Variants in SNAP91 observed in about 807,000 individuals in gnomAD.
SNAP91 encodes synaptosome associated protein 91, also known as clathrin coat assembly protein AP180.
Under a neutral mutation model 100.3 loss-of-function variants are expected in SNAP91, and 27 were observed. The observed-to-expected ratio is 0.27, with a 90% CI of 0.20 to 0.37. SNAP91 has a LOEUF of 0.37. Ranked by LOEUF, SNAP91 falls within the 10% of genes least tolerant of loss-of-function variation. SNAP91 has a pLI of 1.00. For missense variants in SNAP91, 986 were observed against 1,123.7 expected, an observed-to-expected ratio of 0.88 and a Z score of 1.75; for synonymous variants, 404 against 398.6, an observed-to-expected ratio of 1.01 and a Z score of -0.16.
chr6:83,679,776 A>G (rs888555949), intron 2 of SNAP91, among the ~76,000 whole-genome samples: 1 of 152,204 alleles, frequency 6.6e-6, no homozygotes, highest in Non-Finnish European at 1.5e-5. Context: ...CCTAGGCTTC[A>G]ATGCACTTCA....
At chr6:83,585,006 A>C (rs2092162822) in intron 22 of SNAP91, among the ~76,000 whole-genome samples, 1 of 152,198 alleles carries the variant, frequency 6.6e-6, no homozygotes, top group Non-Finnish European at 1.5e-5. Context: ...TAGAATAATT[A>C]AACAGCTATT....
chr6:83,678,766 C>T (rs2098946193), intron 2 of SNAP91: 1 of 1,289,462 alleles, frequency 7.8e-7, no homozygotes, highest in Admixed American at 2.3e-5. Context: ...TTTGGCCTTA[C>T]CAAAGCCTTA....
chr6:83,690,133 A>G (rs1407895368), intron 2 of SNAP91: 1 of 286,912 alleles, frequency 3.5e-6, no homozygotes, highest in African/African-American at 2.3e-5. Flanking sequence ...GATAAAAGTG[A>G]GCATCACATT....
chr6:83,682,918 T>C (rs1039142045), intron 2 of SNAP91, among the ~76,000 whole-genome samples: 19 of 151,852 alleles, frequency 1.3e-4, no homozygotes, highest in Admixed American at 1.2e-3. Flanking sequence ...TCTCCATTTC[T>C]TCACTCAAGA....
chr6:83,688,092 A>C (rs2099084464), intron 2 of SNAP91, among the ~76,000 whole-genome samples: 1 of 152,098 alleles, frequency 6.6e-6, no homozygotes, highest in African/African-American at 2.4e-5. Context: ...CTGGTCTCTT[A>C]TCTCTCCCCC....
At chr6:83,605,503 C>T (rs1348735035) in intron 14 of SNAP91, among the ~76,000 whole-genome samples, 182 bp downstream of exon 14, 1 of 152,204 alleles carries the variant, frequency 6.6e-6, no homozygotes, top group Non-Finnish European at 1.5e-5. Context: ...ATTACAGGCA[C>T]TTTCTCTGTC....
intron 28 of SNAP91, among the ~76,000 whole-genome samples, chr6:83,556,974 T>C (rs1430171742): frequency 6.6e-6 from 1 of 152,204 alleles, no homozygotes; most frequent in African/African-American, 2.4e-5. Flanking sequence ...TCTATTCAGC[T>C]CTCAGAGAAG....
chr6:83,590,909 G>A (rs76034318), intron 22 of SNAP91, among the ~76,000 whole-genome samples: 3,553 of 152,206 alleles, frequency 0.023, 58 homozygotes, highest in Admixed American at 0.039. Flanking sequence ...TCAATTTCAT[G>A]TCTTTTAAAA....
intron 2 of SNAP91, among the ~76,000 whole-genome samples, chr6:83,680,468 C>T (rs75608897): frequency 6.6e-6 from 1 of 152,246 alleles, no homozygotes; most frequent in African/African-American, 2.4e-5. Flanking sequence ...TCTAAGTGCT[C>T]TGAGCATGTT....
chr6:83,645,772 G>A (rs1481580082), intron 7 of SNAP91, among the ~76,000 whole-genome samples: 1 of 152,112 alleles, frequency 6.6e-6, no homozygotes, highest in Non-Finnish European at 1.5e-5. Flanking sequence ...GATCACTTGA[G>A]CCCAGGAGGT....
At chr6:83,656,453 T>C (rs1191508448) in intron 7 of SNAP91, among the ~76,000 whole-genome samples, 2 of 152,170 alleles carry the variant, frequency 1.3e-5, no homozygotes, top group Admixed American at 1.3e-4. Context: ...GCTTTCATCA[T>C]AACACGATAG....
chr6:83,592,811 C>T, intron 20 of SNAP91, 135 bp downstream of exon 20: 1 of 777,178 alleles, frequency 1.3e-6, no homozygotes, highest in Non-Finnish European at 2.1e-6. Flanking sequence ...GATGATGGTC[C>T]CAAGAGTGAG....
At chr6:83,573,287 C>G (rs1811787208) in intron 26 of SNAP91, among the ~76,000 whole-genome samples, 1 of 152,074 alleles carries the variant, frequency 6.6e-6, no homozygotes, top group South Asian at 2.1e-4. Flanking sequence ...AACCACTGCT[C>G]AACGAAATGA....
At chr6:83,563,658 A>G (rs1465519912) in intron 26 of SNAP91, among the ~76,000 whole-genome samples, 1 of 152,208 alleles carries the variant, frequency 6.6e-6, no homozygotes, top group Non-Finnish European at 1.5e-5. Context: ...ATGTTCTTCA[A>G]AGTTGCAGGA....
At chr6:83,630,357 G>C (rs1293366842) in intron 8 of SNAP91, among the ~76,000 whole-genome samples, 2 of 151,862 alleles carry the variant, frequency 1.3e-5, no homozygotes, top group African/African-American at 4.8e-5. Context: ...GTGATACTGG[G>C]CTAACAGAAT....
intron 17 of SNAP91, 91 bp from the exon 18 acceptor site, chr6:83,593,832 A>G: frequency 6.1e-6 from 9 of 1,482,830 alleles, no homozygotes; most frequent in Non-Finnish European, 8.0e-6. Context: ...CACCTTATAC[A>G]GATATTTACA....
At chr6:83,660,408 G>C (rs544046971) in intron 5 of SNAP91, among the ~76,000 whole-genome samples, 2 of 152,322 alleles carry the variant, frequency 1.3e-5, no homozygotes, top group African/African-American at 4.8e-5. Flanking sequence ...ACTAAGGTCA[G>C]GTTAGCCATT....
At chr6:83,628,807 T>G (rs2097086329) in intron 8 of SNAP91, among the ~76,000 whole-genome samples, 1 of 152,140 alleles carries the variant, frequency 6.6e-6, no homozygotes, top group Non-Finnish European at 1.5e-5. Flanking sequence ...TCCCATTCTG[T>G]GGGTTGTCTG....
intron 2 of SNAP91, among the ~76,000 whole-genome samples, chr6:83,704,711 C>T (rs2099357264): frequency 6.6e-6 from 1 of 151,456 alleles, no homozygotes; most frequent in African/African-American, 2.4e-5. Flanking sequence ...ATGACAGGAC[C>T]ATAAATCTGT....
Sources: allele counts gnomAD v4.1 joint callset (sites outside exome capture counted in the v4.1 genomes callset), GRCh38; gene constraint gnomAD v4.1.1; transcripts MANE v1.5; gene names NCBI Gene and HGNC (gene_info 2026-07-23, HGNC 2026-07-21).